The following SPATA13 variants were observed in gnomAD, a reference collection of about 807,000 sequenced individuals.
SPATA13 encodes spermatogenesis associated 13, also known as spermatogenesis-associated protein 13.
In SPATA13, 50 loss-of-function variants were observed where a neutral mutation model predicts 104.0. The ratio of observed to expected loss-of-function variants is 0.48; its 90% CI spans 0.38 to 0.61. The LOEUF is 0.61. Ranked by LOEUF, SPATA13 falls within the 20% of genes least tolerant of loss-of-function variation. The pLI is 0.00. For synonymous variants in SPATA13, 606 were observed against 667.5 expected, an observed-to-expected ratio of 0.91 and a Z score of 1.42; for missense variants, 1,524 against 1,690.6, an observed-to-expected ratio of 0.90 and a Z score of 1.73.
In SPATA13 at chr13:24,224,413, C is replaced by T; in HGVS notation, c.1484C>T (p.Ser495Phe). 4 of 1,551,704 alleles carry T rather than the reference C, an allele frequency of 2.6e-6. No homozygotes were observed. The highest frequency in any genetic ancestry group is 3.5e-6 in the Non-Finnish European group (4 of 1,147,004). Residue 495 changes from serine to phenylalanine, a missense_variant, in exon 2 of 13, where the codon TCC (serine) becomes TTC (phenylalanine). Physicochemically the swap from Ser to Phe is radical, Grantham distance 155. Coordinates refer to ENST00000382108, the MANE Select transcript of SPATA13 (RefSeq NM_001166271.3). ...ASCHSNHSALSANSEESEGRA... is the reference protein window; with the variant it reads ...ASCHSNHSALFANSEESEGRA... The stretch of plus-strand genomic sequence containing the variant: ...TGTCACAGCAATCACAGTGCCCTGT[C>T]CGCGAATTCAGAGGAAAGTGAAGGA...
chr13:24,067,150 T>C (rs1878992915), intron 3 of SPATA13, among the ~76,000 whole-genome samples: 1 of 152,204 alleles, frequency 6.6e-6, no homozygotes, highest in Admixed American at 6.5e-5. Context: ...CATAGACTTC[T>C]CAGCCCAGGC....
chr13:24,167,516 C>T (rs552804199), intron 1 of SPATA13, among the ~76,000 whole-genome samples: 71 of 152,342 alleles, frequency 4.7e-4, no homozygotes, highest in Non-Finnish European at 6.8e-4. Flanking sequence ...CCTCACCTCT[C>T]AACAGTACAA....
chr13:24,125,647 G>T (rs1881185671), intron 3 of SPATA13, among the ~76,000 whole-genome samples: 1 of 152,160 alleles, frequency 6.6e-6, no homozygotes, highest in Admixed American at 6.5e-5. Flanking sequence ...TGACTTAGGT[G>T]AGATTGTCAA....
intron 3 of SPATA13, among the ~76,000 whole-genome samples, chr13:24,080,875 C>G (rs1879490434): frequency 6.6e-6 from 1 of 152,176 alleles, no homozygotes; most frequent in Non-Finnish European, 1.5e-5. Context: ...AGGCAACTCT[C>G]TTGACATTTG....
intron 3 of SPATA13, among the ~76,000 whole-genome samples, chr13:24,084,220 G>C (rs1041203739): frequency 1.3e-5 from 2 of 152,188 alleles, no homozygotes; most frequent in Non-Finnish European, 2.9e-5. Context: ...GCGTTGGGGA[G>C]ATGTGGGTGG....
At chr13:24,120,316 G>C (rs1286692430) in intron 3 of SPATA13, among the ~76,000 whole-genome samples, 1 of 152,240 alleles carries the variant, frequency 6.6e-6, no homozygotes, top group Non-Finnish European at 1.5e-5. Flanking sequence ...TCTTTGCCAA[G>C]CAGACGCTCT....
At chr13:23,992,179 A>G (rs79203507) in intron 2 of SPATA13, among the ~76,000 whole-genome samples, 2,401 of 152,314 alleles carry the variant, frequency 0.016, 27 homozygotes, top group Non-Finnish European at 0.025. Flanking sequence ...GGAGAACTGC[A>G]GTCCAACCAT....
chr13:24,240,413 G>A (rs376449176), intron 2 of SPATA13, among the ~76,000 whole-genome samples: 1 of 152,040 alleles, frequency 6.6e-6, no homozygotes, highest in Non-Finnish European at 1.5e-5. Context: ...TATCATGAAG[G>A]CTAAGGGGGA....
chr13:24,282,175 G>A (rs1875585273), intron 4 of SPATA13, among the ~76,000 whole-genome samples: 1 of 151,710 alleles, frequency 6.6e-6, no homozygotes, highest in South Asian at 2.1e-4. Flanking sequence ...TGGGGGGTGG[G>A]AGTCTGGGGC....
intron 9 of SPATA13, among the ~76,000 whole-genome samples, chr13:24,292,128 C>A (rs1379530320): frequency 2.0e-5 from 3 of 152,218 alleles, no homozygotes; most frequent in African/African-American, 7.2e-5. Context: ...GCTATATGAT[C>A]TCTTCTGGGG....
At chr13:24,036,940 T>G (rs1262147090) in intron 3 of SPATA13, among the ~76,000 whole-genome samples, 1 of 151,580 alleles carries the variant, frequency 6.6e-6, no homozygotes, top group East Asian at 2.0e-4. Context: ...CATGCCCAGC[T>G]AATTTTTGTA....
chr13:24,116,797 G>T (rs1880860692), intron 3 of SPATA13, among the ~76,000 whole-genome samples: 1 of 148,362 alleles, frequency 6.7e-6, no homozygotes, highest in South Asian at 2.1e-4. Context: ...GCTGATGTTT[G>T]GAGAAAGGGC....
At chr13:24,114,686 G>A (rs1880776664) in intron 3 of SPATA13, among the ~76,000 whole-genome samples, 1 of 151,858 alleles carries the variant, frequency 6.6e-6, no homozygotes, top group Non-Finnish European at 1.5e-5. Flanking sequence ...TTTTGAGATG[G>A]AGTTTTGCTC....
intron 3 of SPATA13, among the ~76,000 whole-genome samples, chr13:24,080,356 G>A (rs539712117): frequency 6.6e-6 from 1 of 152,352 alleles, no homozygotes; most frequent in South Asian, 2.1e-4. Flanking sequence ...AAGAGAATAA[G>A]CAGGAACCAA....
intron 2 of SPATA13, among the ~76,000 whole-genome samples, chr13:24,229,904 A>G (rs1050359501): frequency 5.3e-5 from 8 of 152,346 alleles, no homozygotes; most frequent in African/African-American, 1.9e-4. Context: ...GATGGATTCA[A>G]TTCCATAAAA....
At chr13:24,109,945 G>T (rs1161451882) in intron 3 of SPATA13, among the ~76,000 whole-genome samples, 1 of 150,410 alleles carries the variant, frequency 6.6e-6, no homozygotes, top group Admixed American at 6.6e-5. Flanking sequence ...TTGCCAAATT[G>T]CCTTACAGAA....
At chr13:24,277,486 T>C (rs1875103196) in intron 4 of SPATA13, among the ~76,000 whole-genome samples, 1 of 139,228 alleles carries the variant, frequency 7.2e-6, no homozygotes, top group Non-Finnish European at 1.5e-5. Context: ...TTGGAAGTAA[T>C]ATATAGGATG....
At chr13:24,123,448 C>A in intron 3 of SPATA13, 1 of 1,483,714 alleles carries the variant, frequency 6.7e-7, no homozygotes, top group South Asian at 1.1e-5. Flanking sequence ...TCCATCTGAT[C>A]GTTATAGATC....
chr13:24,156,860 C>T (rs957508343), upstream of SPATA13, among the ~76,000 whole-genome samples: 1 of 152,178 alleles, frequency 6.6e-6, no homozygotes, highest in Non-Finnish European at 1.5e-5. Context: ...CAGGTTCTCT[C>T]CTGCTCTCTT....
Sources: allele counts gnomAD v4.1 joint callset (sites outside exome capture counted in the v4.1 genomes callset), GRCh38; gene constraint gnomAD v4.1.1; transcripts MANE v1.5; gene names NCBI Gene and HGNC (gene_info 2026-07-23, HGNC 2026-07-21).